DHX15: variants seen among roughly 807,000 people sequenced by gnomAD.
DHX15 encodes the protein DEAH-box helicase 15, also known as ATP-dependent RNA helicase DHX15.
A neutral mutation model predicts 94.4 loss-of-function variants in DHX15; 11 were observed. That is an observed-to-expected ratio of 0.12 (90% CI 0.07 to 0.19). The LOEUF is 0.19. Ranked by LOEUF, DHX15 falls within the 10% of genes least tolerant of loss-of-function variation. The pLI, the probability that DHX15 is intolerant of heterozygous loss-of-function variation, is 1.00. For missense variants in DHX15, 304 were observed against 988.5 expected (o/e 0.31, Z 9.29); for synonymous variants, 338 against 329.9 (o/e 1.02, Z -0.27).
chr4:24,568,816 T>C (rs890907181), intron 3 of DHX15, among the ~76,000 whole-genome samples: 1 of 152,212 alleles, frequency 6.6e-6, no homozygotes, highest in East Asian at 1.9e-4. Context: ...TACAACATAA[T>C]GAGCTATGAT....
chr4:24,566,612 C>T (rs1370051381), intron 3 of DHX15, among the ~76,000 whole-genome samples: 9 of 151,922 alleles, frequency 5.9e-5, no homozygotes, highest in African/African-American at 1.9e-4. Context: ...GATCACTTGA[C>T]GTCAGGAGTT....
At chr4:24,532,155 T>A (rs1721097428) in intron 12 of DHX15, among the ~76,000 whole-genome samples, 3 of 152,258 alleles carry the variant, frequency 2.0e-5, no homozygotes, top group Non-Finnish European at 2.9e-5. Context: ...ATAAACACCT[T>A]AAAATAACTG....
In DHX15 at chr4:24,559,830, A is replaced by C. The variant is rs566059001; in HGVS notation, c.702-3420T>G. ...TAATCAGAAATTTTGAAGGTGAGGC[A>C]TAGCAATCTGCTCTAACAAGTTTTC... On this transcript the variant is annotated intron_variant, in intron 3 of 13. Transcript: ENST00000336812. Among the ~76,000 whole-genome samples the C allele has an allele frequency of 2.0e-5, 3 of 152,344 alleles. No homozygotes were observed. The East Asian group carries it at 5.8e-4, about 29-fold the overall frequency.
intron 1 of DHX15, among the ~76,000 whole-genome samples, chr4:24,579,254 G>A (rs960229575): frequency 2.0e-5 from 3 of 152,198 alleles, no homozygotes; most frequent in African/African-American, 7.2e-5. Flanking sequence ...GGAGGATGCA[G>A]GAGGCAAATT....
At chr4:24,576,092 T>A (rs1357747506) in intron 2 of DHX15, 151 bp downstream of exon 2, 1 of 652,152 alleles carries the variant, frequency 1.5e-6, no homozygotes, top group East Asian at 2.7e-5. Context: ...ATTTCCACTC[T>A]GAAATTCAGA....
chr4:24,550,248 A>G (rs776630753), intron 5 of DHX15, among the ~76,000 whole-genome samples: 11 of 152,048 alleles, frequency 7.2e-5, no homozygotes, highest in Non-Finnish European at 1.6e-4. Context: ...ACAGAACTGT[A>G]GACTTCATAA....
intron 6 of DHX15, among the ~76,000 whole-genome samples, chr4:24,545,160 T>C (rs1179736614): frequency 1.3e-5 from 2 of 152,222 alleles, no homozygotes; most frequent in African/African-American, 4.8e-5. Context: ...AGACGTCTTC[T>C]GGCTTTCTGG....
chr4:24,581,405 A>T lies in DHX15; in HGVS notation c.71+2918T>A, dbSNP rs115359541. 3.9e-3 allele frequency among the ~76,000 whole-genome samples: 592 copies of T among 152,342 alleles called. 3 individuals carry two copies. Among genetic ancestry groups the T allele is most frequent in the African/African-American group, 0.013 (550 of 41,576 alleles). On this transcript the variant is annotated intron_variant, in intron 1 of 13. Transcript: ENST00000336812. ...GAGTGGAAAAAAAAATCAAAGTACA[A>T]AATAACACGCGTTGATCCCACTGAT...
At chr4:24,570,875 A>G (rs920443031) in intron 2 of DHX15, 28 bp from the exon 3 acceptor site, 15 of 1,604,268 alleles carry the variant, frequency 9.4e-6, no homozygotes, top group Middle Eastern at 1.6e-4. Flanking sequence ...ATTTAAATTA[A>G]TTCTATTCTG....
chr4:24,558,215 A>G (rs1721784276), intron 3 of DHX15, among the ~76,000 whole-genome samples: 1 of 152,166 alleles, frequency 6.6e-6, no homozygotes. Flanking sequence ...ATCGAGTTCA[A>G]GCATTCACAG....
At chr4:24,579,502 G>A (rs888515698) in intron 1 of DHX15, among the ~76,000 whole-genome samples, 25 of 152,198 alleles carry the variant, frequency 1.6e-4, no homozygotes, top group Admixed American at 1.3e-4. Flanking sequence ...TCAAGTCAGT[G>A]CTTCAGACAC....
intron 11 of DHX15, among the ~76,000 whole-genome samples, chr4:24,536,369 T>G (rs544915066): frequency 2.0e-5 from 3 of 152,174 alleles, no homozygotes; most frequent in Non-Finnish European, 4.4e-5. Flanking sequence ...ACTTTCTAAA[T>G]TATTTCTGGG....
intron 12 of DHX15, among the ~76,000 whole-genome samples, chr4:24,531,077 T>C (rs1721074265): frequency 6.6e-6 from 1 of 150,450 alleles, no homozygotes; most frequent in Non-Finnish European, 1.5e-5. Context: ...AATGCTTGAA[T>C]ATAGTTTCAT....
At chr4:24,564,161 T>G (rs568825284) in intron 3 of DHX15, among the ~76,000 whole-genome samples, 1 of 151,856 alleles carries the variant, frequency 6.6e-6, no homozygotes, top group African/African-American at 2.4e-5. Flanking sequence ...TTTGAGAAAC[T>G]GTGAGTGATC....
chr4:24,575,722 CTAGTTAA>C (rs2109011348), intron 2 of DHX15, among the ~76,000 whole-genome samples: 1 of 152,222 alleles, frequency 6.6e-6, no homozygotes, highest in African/African-American at 2.4e-5. Flanking sequence ...CAACAGGGGT[CTAGTTAA>C]TAATAGCCCA....
chr4:24,532,085 T>A (rs1721096594), intron 12 of DHX15, among the ~76,000 whole-genome samples: 1 of 152,218 alleles, frequency 6.6e-6, no homozygotes, highest in South Asian at 2.1e-4. Context: ...TCAGGTGATT[T>A]GTTTTCAATT....
intron 3 of DHX15, among the ~76,000 whole-genome samples, chr4:24,563,024 G>A (rs1721916182): frequency 6.6e-6 from 1 of 151,960 alleles, no homozygotes; most frequent in South Asian, 2.1e-4. Context: ...TCAACAAAAT[G>A]GTGTTGATTA....
intron 3 of DHX15, among the ~76,000 whole-genome samples, chr4:24,557,571 A>C (rs1721764715): frequency 6.6e-6 from 1 of 152,158 alleles, no homozygotes; most frequent in Non-Finnish European, 1.5e-5. Flanking sequence ...TTCATAAACT[A>C]TTGGCAAACA....
chr4:24,541,094 G>C, intron 8 of DHX15, 146 bp from the exon 9 acceptor site: 1 of 494,260 alleles, frequency 2.0e-6, no homozygotes, highest in East Asian at 3.3e-5. Flanking sequence ...TTGTAGGCTA[G>C]ACTAGAGAGA....
Sources: allele counts gnomAD v4.1 joint callset (sites outside exome capture counted in the v4.1 genomes callset), GRCh38; gene constraint gnomAD v4.1.1; transcripts MANE v1.5; gene names NCBI Gene and HGNC (gene_info 2026-07-23, HGNC 2026-07-21).